KAZN: variants seen among roughly 807,000 people sequenced by gnomAD.
KAZN encodes the protein kazrin, periplakin interacting protein.
In KAZN, 40 loss-of-function variants were observed where a neutral mutation model predicts 87.4. That is an observed-to-expected ratio of 0.46 (90% CI 0.36 to 0.60). The LOEUF (loss-of-function observed/expected upper bound fraction) is 0.60. Ranked by LOEUF, KAZN falls within the 20% of genes least tolerant of loss-of-function variation. The pLI, the probability that KAZN is intolerant of heterozygous loss-of-function variation, is 0.00. For synonymous variants in KAZN, 466 were observed against 458.3 expected (o/e 1.02, Z -0.22); for missense variants, 898 against 1,073.9 (o/e 0.84, Z 2.29).
At chr1:13,945,728 A>G (rs1641125073) in intron 1 of KAZN, among the ~76,000 whole-genome samples, 1 of 151,086 alleles carries the variant, frequency 6.6e-6, no homozygotes, top group African/African-American at 2.4e-5. Context: ...AGAGAGAGAG[A>G]GAGAGAGAAT....
At chr1:13,989,633 T>C (rs1281898440) in intron 1 of KAZN, among the ~76,000 whole-genome samples, 1 of 152,082 alleles carries the variant, frequency 6.6e-6, no homozygotes, top group East Asian at 1.9e-4. Context: ...GTATTCTAGG[T>C]GGTGGGGATA....
intron 2 of KAZN, among the ~76,000 whole-genome samples, chr1:14,490,132 C>T (rs1669570353): frequency 6.6e-6 from 1 of 152,220 alleles, no homozygotes; most frequent in Non-Finnish European, 1.5e-5. Flanking sequence ...ATGGCAGTGA[C>T]TTGCCTTGTT....
In KAZN at chr1:14,817,778, GAA is replaced by G. The variant is rs36003629; in HGVS notation, c.227-142894_227-142893del. Among the ~76,000 whole-genome samples, 354 of 146,546 alleles carry G rather than the reference GAA, an allele frequency of 2.4e-3. 2 individuals are homozygous for G. Among genetic ancestry groups the G allele is most frequent in the African/African-American group, 6.9e-3 (278 of 40,408 alleles). On this transcript the variant is annotated intron_variant, in intron 1 of 14. Transcript: ENST00000376030. ...AGCAGAGCTTTGCATTTCTAAATAG[GAA>G]AAAAAAAAAAAGTCTGTAATTATTA...
chr1:14,128,356 G>A (rs151258818), intron 1 of KAZN, among the ~76,000 whole-genome samples: 16 of 151,732 alleles, frequency 1.1e-4, no homozygotes, highest in African/African-American at 3.4e-4. Flanking sequence ...TGCTGTGTTA[G>A]TTTGCTAGGA....
intron 2 of KAZN, among the ~76,000 whole-genome samples, chr1:14,224,852 A>G (rs1647207608): frequency 6.6e-6 from 1 of 152,240 alleles, no homozygotes; most frequent in Non-Finnish European, 1.5e-5. Flanking sequence ...TAAACTTCAT[A>G]GATAATATAA....
intron 1 of KAZN, among the ~76,000 whole-genome samples, chr1:13,965,700 C>G (rs527767702): frequency 6.6e-6 from 1 of 152,156 alleles, no homozygotes; most frequent in Non-Finnish European, 1.5e-5. Flanking sequence ...CACTCCGCAG[C>G]GACTTCTGCT....
chr1:14,230,837 A>G (rs1453223137), intron 2 of KAZN, among the ~76,000 whole-genome samples: 1 of 152,188 alleles, frequency 6.6e-6, no homozygotes, highest in East Asian at 1.9e-4. Context: ...TTGCATTTAT[A>G]TGTAGTCACG....
chr1:14,222,273 G>A (rs1261795956), intron 2 of KAZN, among the ~76,000 whole-genome samples: 2 of 152,146 alleles, frequency 1.3e-5, no homozygotes, highest in African/African-American at 2.4e-5. Context: ...AGCTGGTCAC[G>A]GCCATGCCCG....
chr1:14,067,636 C>G (rs907812728), intron 1 of KAZN, among the ~76,000 whole-genome samples: 2 of 152,202 alleles, frequency 1.3e-5, no homozygotes, highest in Non-Finnish European at 2.9e-5. Flanking sequence ...CTGTCTGTCC[C>G]CCCCCATACT....
chr1:14,758,198 C>T (rs1010782535), intron 1 of KAZN, among the ~76,000 whole-genome samples: 8 of 151,934 alleles, frequency 5.3e-5, no homozygotes, highest in African/African-American at 1.7e-4. Flanking sequence ...CAGGCTCTTG[C>T]TTTGTCACCC....
At chr1:14,973,463 T>G (rs1665289371) in intron 2 of KAZN, among the ~76,000 whole-genome samples, 2 of 152,226 alleles carry the variant, frequency 1.3e-5, no homozygotes, top group Admixed American at 6.5e-5. Flanking sequence ...ATGCAAGTCC[T>G]GCCCCTGTAC....
At chr1:14,077,103 C>T (rs77515988) in intron 1 of KAZN, among the ~76,000 whole-genome samples, 2,490 of 152,228 alleles carry the variant, frequency 0.016, 49 homozygotes, top group African/African-American at 0.057. Context: ...CCTCGGGCCA[C>T]CTTGTGATTG....
At chr1:14,671,787 T>A (rs2148738065) in intron 1 of KAZN, among the ~76,000 whole-genome samples, 1 of 152,358 alleles carries the variant, frequency 6.6e-6, no homozygotes, top group Middle Eastern at 3.4e-3. Flanking sequence ...CTCATTTCCA[T>A]CCAGAAAGTT....
At chr1:14,726,428 G>A (rs1318264157) in intron 1 of KAZN, among the ~76,000 whole-genome samples, 1 of 152,234 alleles carries the variant, frequency 6.6e-6, no homozygotes, top group Non-Finnish European at 1.5e-5. Context: ...CTCAGCAGGT[G>A]TGGAGCGGCT....
At chr1:14,829,622 A>T (rs60865405) in intron 1 of KAZN, among the ~76,000 whole-genome samples, 11 of 152,138 alleles carry the variant, frequency 7.2e-5, no homozygotes, top group Non-Finnish European at 1.2e-4. Flanking sequence ...TCCTGTGTGC[A>T]TGTGTTTATT....
Position 14,536,408 on chromosome 1 carries a change from A to G in KAZN, c.250-62575A>G, listed in dbSNP as rs184590057. Among the ~76,000 whole-genome samples, 265 of 152,272 alleles carry G rather than the reference A, an allele frequency of 1.7e-3. 1 individual carries two copies. The highest frequency in any genetic ancestry group is 3.0e-3 in the Non-Finnish European group (201 of 68,018). On this transcript the variant is annotated intron_variant, in intron 2 of 16. Coordinates refer to the KAZN transcript ENST00000636203. ...ACTATTTTGATTTTTCAGATCTGTG[A>G]TCCACTCTTTGAGAAGAGACTAATA...
chr1:14,082,057 G>T (rs112419405), intron 1 of KAZN, among the ~76,000 whole-genome samples: 3,937 of 152,246 alleles, frequency 0.026, 166 homozygotes, highest in African/African-American at 0.09. Context: ...TTACAGGCAT[G>T]AGCCACTATG....
intron 2 of KAZN, among the ~76,000 whole-genome samples, chr1:14,347,244 A>G (rs1658172029): frequency 6.6e-6 from 1 of 152,182 alleles, no homozygotes; most frequent in South Asian, 2.1e-4. Context: ...GCACTGCACA[A>G]TCCCAGACTA....
At chr1:14,574,155 AGG>A (rs1182623574) in intron 2 of KAZN, among the ~76,000 whole-genome samples, 1 of 152,226 alleles carries the variant, frequency 6.6e-6, no homozygotes, top group Non-Finnish European at 1.5e-5. Context: ...CTGAACAGGA[AGG>A]AAGAAAGTGA....
Sources: gnomAD v4.1 joint callset for allele counts (sites outside exome capture counted in the v4.1 genomes callset) on GRCh38, gnomAD v4.1.1 for gene constraint, MANE v1.5 for transcripts, NCBI Gene and HGNC (gene_info 2026-07-23, HGNC 2026-07-21) for gene names.